Variants in FBXL22 observed in about 807,000 individuals in gnomAD.
FBXL22 encodes F-box and leucine-rich protein 22.
FBXL22 carries 13 observed loss-of-function variants against 11.7 expected under a neutral mutation model. The observed-to-expected ratio is 1.11, with a 90% CI of 0.73 to 1.77. The LOEUF (loss-of-function observed/expected upper bound fraction) is 1.77, where lower values mean the gene tolerates loss of function less well. Ranked by LOEUF, FBXL22 falls within the 40% of genes most tolerant of loss-of-function variation. FBXL22 has a pLI of 0.00. For synonymous variants in FBXL22, 160 were observed against 144.1 expected, an observed-to-expected ratio of 1.11 and a Z score of -0.79; for missense variants, 406 against 320.4, an observed-to-expected ratio of 1.27 and a Z score of -2.04.
rs2152688760 is a variant in FBXL22 at position 63,600,854 on chromosome 15, G to GGGCGCGCGCTGCAGACA, written c.512_528dup (p.Leu177GlyfsTer15). The GGGCGCGCGCTGCAGACA allele has an allele frequency of 8.1e-7, 1 of 1,229,782 alleles. No homozygotes were observed. Among genetic ancestry groups the GGGCGCGCGCTGCAGACA allele is most frequent in the East Asian group, 3.2e-5 (1 of 31,634 alleles). The allele number at this position is 1,229,782 out of a possible 1,614,324, so 76.2% of individuals were successfully genotyped here. A position where few individuals can be genotyped will look rare whatever the true frequency, so the allele number is the denominator to read the frequency against. On this transcript the variant is annotated frameshift_variant, in exon 2 of 2. Coordinates refer to ENST00000638704, the MANE Select transcript of FBXL22 (RefSeq NM_001367807.1). LOFTEE classifies it high-confidence loss of function. ...CACGTTGGCTGCCGTGGCGGCGGAC[G>GGGCGCGCGCTGCAGACA]GGCGCGCGCTGCAGACATTGCACGT...
At chr15:63,599,750 T>C in intron 1 of FBXL22, 6 of 986,330 alleles carry the variant, frequency 6.1e-6, no homozygotes, top group East Asian at 1.1e-4. Flanking sequence ...TAGCTCCCTC[T>C]GGCTGCGGGG....
rs182651594 is a variant in FBXL22, at chr15:63,599,436, A to C, written c.354-1261A>C. 639 of 1,354,836 alleles carry C rather than the reference A, an allele frequency of 4.7e-4. 2 individuals are homozygous for C. The Middle Eastern group carries it at 8.7e-3, about 18-fold the overall frequency. 83.9% of individuals were successfully genotyped at this position (1,354,836 alleles called of 1,614,324 possible). A position where few individuals can be genotyped will look rare whatever the true frequency, so the allele number is the denominator to read the frequency against. On this transcript the variant is annotated intron_variant, in intron 1 of 1. Transcript: ENST00000638704. ...CTTGACAAATGAGGAAGTGACGCCCAGCAAGGTTCAGACATCTGTCCTGGG... is the reference window on the plus strand; with the variant it reads ...CTTGACAAATGAGGAAGTGACGCCCCGCAAGGTTCAGACATCTGTCCTGGG...
downstream of FBXL22, among the ~76,000 whole-genome samples, chr15:63,606,608 C>G (rs1367095092): frequency 6.6e-6 from 1 of 152,256 alleles, no homozygotes; most frequent in East Asian, 1.9e-4. Context: ...AATCCCAGCA[C>G]TTTGGGAGAT....
chr15:63,600,859 C>A lies in FBXL22; in HGVS notation c.516C>A (p.Arg172=). The A allele has an allele frequency of 1.6e-6, 2 of 1,229,516 alleles. No homozygotes were observed. Among genetic ancestry groups the A allele is most frequent in the Non-Finnish European group, 2.0e-6 (2 of 986,544 alleles). The allele number at this position is 1,229,516 out of a possible 1,614,324, so 76.2% of individuals were successfully genotyped here. A position where few individuals can be genotyped will look rare whatever the true frequency, so the allele number is the denominator to read the frequency against. The stretch of plus-strand genomic sequence containing the variant: ...TGGCTGCCGTGGCGGCGGACGGGCG[C>A]GCGCTGCAGACATTGCACGTGGACT... ...RTLAAVAADG[R]ALQTLHVDFC... The change falls in exon 2 of 2, where the codon CGC becomes CGA. Residue 172 remains arginine (R), a synonymous_variant. Coordinates refer to ENST00000638704, the MANE Select transcript of FBXL22 (RefSeq NM_001367807.1).
downstream of FBXL22, among the ~76,000 whole-genome samples, chr15:63,602,585 CAAAAA>C (rs35457809): frequency 0.018 from 1,312 of 74,614 alleles, 4 homozygotes; most frequent in East Asian, 0.046. Flanking sequence ...ACTCTTGTCT[CAAAAA>C]AAAAAAAAAA....
chr15:63,601,308 G>A (rs749492990), downstream of FBXL22: 1 of 1,589,520 alleles, frequency 6.3e-7, no homozygotes, highest in Admixed American at 1.7e-5. Flanking sequence ...TTTCTGCTGT[G>A]CGCTCCCCAC....
downstream of FBXL22, chr15:63,601,581 G>A (rs1223251183): frequency 1.3e-6 from 2 of 1,568,890 alleles, no homozygotes; most frequent in East Asian, 2.3e-5. Context: ...AGGGGAAGCA[G>A]GGGCGCACGG....
At chr15:63,601,637 C>T, downstream of FBXL22, 1 of 1,605,632 alleles carries the variant, frequency 6.2e-7, no homozygotes, top group South Asian at 1.1e-5. Flanking sequence ...TTTGCCCGCA[C>T]GCGCGTCTGC....
downstream of FBXL22, chr15:63,601,520 G>A (rs772783135): frequency 2.7e-5 from 42 of 1,556,042 alleles, no homozygotes; most frequent in Non-Finnish European, 2.5e-5. Context: ...GGAGTGTCCT[G>A]GGGACCGCCA....
rs1274488095 is a variant in FBXL22 at position 63,597,881 on chromosome 15, C to G, written c.353+136C>G. The G allele has an allele frequency of 4.0e-6, 3 of 743,476 alleles. No homozygotes were observed. The Admixed American group carries it at 8.8e-5, about 22-fold the overall frequency. The allele number at this position is 743,476 out of a possible 1,614,324, so 46.1% of individuals were successfully genotyped here. A position where few individuals can be genotyped will look rare whatever the true frequency, so the allele number is the denominator to read the frequency against. ...CTCAAACTAGGCCCAAGGCAGACAT[C>G]CAGACCGCCCAAAGCAGGGTCCCCA... On this transcript the variant is annotated intron_variant, in intron 1 of 1. Coordinates refer to ENST00000638704, the MANE Select transcript of FBXL22 (RefSeq NM_001367807.1). The surrounding 1 kb of genome is among the most constrained non-coding windows in gnomAD (Gnocchi z 4.3).
chr15:63,600,384 A>G, intron 1 of FBXL22: 1 of 1,141,592 alleles, frequency 8.8e-7, no homozygotes. Flanking sequence ...GGCTCCTGGA[A>G]CCGGCATTCC....
chr15:63,607,893 C>G, the FBXL22 span, among the ~76,000 whole-genome samples: 1 of 152,194 alleles, frequency 6.6e-6, no homozygotes, highest in Non-Finnish European at 1.5e-5. Flanking sequence ...CCCTTTCCCC[C>G]AGAAACACAG....
chr15:63,598,174 G>A (rs1319223622), intron 1 of FBXL22, among the ~76,000 whole-genome samples: 1 of 152,124 alleles, frequency 6.6e-6, no homozygotes, highest in African/African-American at 2.4e-5. Context: ...GGGAGCCAGA[G>A]GTGGAGAAGC....
At chr15:63,607,192 C>A (rs1321506389), downstream of FBXL22, among the ~76,000 whole-genome samples, 1 of 152,082 alleles carries the variant, frequency 6.6e-6, no homozygotes, top group African/African-American at 2.4e-5. Context: ...ACTACAGGTG[C>A]CCACCACCAT....
Position 63,597,503 on chromosome 15 carries a change from C to T in FBXL22, c.111C>T (p.Ser37=), listed in dbSNP as rs1566927757. 6.2e-7 allele frequency: 1 copy of T among 1,614,144 alleles called. No homozygotes were observed. Among genetic ancestry groups the T allele is most frequent in the Non-Finnish European group, 8.5e-7 (1 of 1,180,022 alleles). The stretch of plus-strand genomic sequence containing the variant: ...GGAAGAGCCTTGCCAGGACCTGCTC[C>T]CAGCTCCACGACGTGTTTGAGGACC... The part of the protein sequence containing the change: ...DSRKSLARTC[S]QLHDVFEDPA... Residue 37 remains serine (S), a synonymous_variant, in exon 1 of 2, where the codon TCC becomes TCT. Coordinates refer to ENST00000638704, the MANE Select transcript of FBXL22 (RefSeq NM_001367807.1). This position sits in a 1 kb window ranked among gnomAD's most constrained non-coding sequence, Gnocchi z 4.3.
At chr15:63,599,963 T>C in intron 1 of FBXL22, 5 of 985,662 alleles carry the variant, frequency 5.1e-6, no homozygotes, top group Non-Finnish European at 6.0e-6. Flanking sequence ...CAAGTCTAAC[T>C]TGGCTCAAGA....
downstream of FBXL22, chr15:63,601,609 G>A: frequency 6.3e-7 from 1 of 1,594,136 alleles, no homozygotes; most frequent in South Asian, 1.1e-5. Context: ...GAGCCACCGA[G>A]CCGCTCCTCC....
chr15:63,603,283 T>C (rs556767914), downstream of FBXL22, among the ~76,000 whole-genome samples: 1 of 152,188 alleles, frequency 6.6e-6, no homozygotes, highest in Non-Finnish European at 1.5e-5. Context: ...CTCAGCCCAT[T>C]TCTTGCATGC....
intron 1 of FBXL22, chr15:63,600,095 C>T (rs1046241809): frequency 6.1e-6 from 6 of 985,616 alleles, no homozygotes; most frequent in African/African-American, 5.2e-5. Context: ...TAGCTGCCTC[C>T]GAACCCTACC....
Sources: gnomAD v4.1 joint callset for allele counts (sites outside exome capture counted in the v4.1 genomes callset) on GRCh38, gnomAD v4.1.1 for gene constraint, Gnocchi (gnomAD v3.1) non-coding constraint, MANE v1.5 for transcripts, NCBI Gene and HGNC (gene_info 2026-07-23, HGNC 2026-07-21) for gene names.